BACE2: variants seen among roughly 807,000 people sequenced by gnomAD.
BACE2 encodes the protein 56 kDa aspartic-like protease.
In BACE2, 17 loss-of-function variants were observed where a neutral mutation model predicts 46.2. The observed-to-expected ratio is 0.37, with a 90% confidence interval of 0.25 to 0.55. The LOEUF (loss-of-function observed/expected upper bound fraction) is 0.55. BACE2 is among the 20% of genes least tolerant of loss of function. The probability of loss-of-function intolerance (pLI) is 0.82; values close to 1 mark genes in which losing one functional copy is unlikely to be tolerated. For synonymous variants in BACE2, 277 were observed against 295.9 expected, an observed-to-expected ratio of 0.94 and a Z score of 0.66; for missense variants, 595 against 698.1, an observed-to-expected ratio of 0.85 and a Z score of 1.66.
chr21:41,180,331 T>G (rs929275911), intron 1 of BACE2: 9 of 173,528 alleles, frequency 5.2e-5, no homozygotes, highest in African/African-American at 2.2e-4. Flanking sequence ...CCTACCTCAT[T>G]CCCCCTTCAG....
intron 1 of BACE2, chr21:41,176,356 G>A (rs1166169403): frequency 6.6e-6 from 1 of 152,224 alleles, no homozygotes; most frequent in African/African-American, 2.4e-5. Flanking sequence ...TTCCTGGAAA[G>A]AGCAGGAATA....
At chr21:41,195,485 C>A (rs868148970) in intron 1 of BACE2, among the ~76,000 whole-genome samples, 1 of 152,208 alleles carries the variant, frequency 6.6e-6, no homozygotes, top group Non-Finnish European at 1.5e-5. Context: ...CAGAACTTCC[C>A]GTCCCTTACA....
intron 5 of BACE2, among the ~76,000 whole-genome samples, chr21:41,244,933 G>A (rs369497351): frequency 3.9e-5 from 6 of 152,058 alleles, no homozygotes; most frequent in African/African-American, 1.4e-4. Context: ...GCCTGTATTT[G>A]GAGGTGTGAT....
At chr21:41,200,651 G>A (rs1985934561) in intron 1 of BACE2, among the ~76,000 whole-genome samples, 2 of 152,132 alleles carry the variant, frequency 1.3e-5, no homozygotes, top group Non-Finnish European at 2.9e-5. Context: ...CCTTAAAAGA[G>A]GTCATGAAGT....
chr21:41,217,999 C>A (rs1431698311), intron 1 of BACE2, among the ~76,000 whole-genome samples: 2 of 152,236 alleles, frequency 1.3e-5, no homozygotes, highest in African/African-American at 4.8e-5. Flanking sequence ...ACCTCCAGAA[C>A]TGCCAGAAAA....
At chr21:41,182,072 A>G (rs1985148708) in intron 1 of BACE2, 1 of 167,124 alleles carries the variant, frequency 6.0e-6, no homozygotes, top group Non-Finnish European at 1.5e-5. Flanking sequence ...GGCTGGTTAA[A>G]GCCATAGAAA....
chr21:41,251,766 AC>A (rs139919101), intron 7 of BACE2, among the ~76,000 whole-genome samples: 5,657 of 152,148 alleles, frequency 0.037, 370 homozygotes, highest in African/African-American at 0.13. Flanking sequence ...ACACCACTGC[AC>A]TGCAGCCTGG....
At chr21:41,212,842 A>G (rs1404271493) in intron 1 of BACE2, among the ~76,000 whole-genome samples, 1 of 152,226 alleles carries the variant, frequency 6.6e-6, no homozygotes, top group African/African-American at 2.4e-5. Context: ...TCTCGCTTCT[A>G]GCTTTGCTTA....
At chr21:41,223,018 C>A (rs1000342489) in intron 1 of BACE2, among the ~76,000 whole-genome samples, 1 of 152,124 alleles carries the variant, frequency 6.6e-6, no homozygotes, top group East Asian at 1.9e-4. Flanking sequence ...CAAGATGTTT[C>A]CTGGACCTGC....
intron 1 of BACE2, 21 bp from the exon 2 acceptor site, chr21:41,226,245 T>C (rs764522009): frequency 1.3e-6 from 2 of 1,590,664 alleles, no homozygotes. Context: ...CTATTTTTTT[T>C]TTCTCCTTAA....
intron 1 of BACE2, among the ~76,000 whole-genome samples, chr21:41,207,576 G>A (rs979667701): frequency 2.0e-5 from 3 of 152,164 alleles, no homozygotes; most frequent in Admixed American, 1.3e-4. Context: ...ACAGTGGCAT[G>A]CTCTATAGAG....
intron 1 of BACE2, chr21:41,184,400 T>G (rs917909908): frequency 7.2e-5 from 12 of 167,114 alleles, no homozygotes; most frequent in Non-Finnish European, 1.6e-4. Flanking sequence ...TTGAAGAACA[T>G]AGTCAACGTA....
chr21:41,260,488 GC>G (rs1987907278), intron 8 of BACE2, among the ~76,000 whole-genome samples: 1 of 152,170 alleles, frequency 6.6e-6, no homozygotes, highest in Non-Finnish European at 1.5e-5. Flanking sequence ...GAGGCACTTA[GC>G]CGGGTGTCTC....
intron 1 of BACE2, among the ~76,000 whole-genome samples, chr21:41,200,174 A>G (rs1489247531): frequency 7.9e-5 from 12 of 151,590 alleles, no homozygotes; most frequent in East Asian, 5.8e-4. Flanking sequence ...ATGTACCCTA[A>G]AACTTCAAGT....
intron 1 of BACE2, among the ~76,000 whole-genome samples, chr21:41,202,929 G>A (rs184382507): frequency 1.2e-4 from 18 of 152,232 alleles, no homozygotes; most frequent in African/African-American, 2.4e-4. Context: ...AGATTTTCAT[G>A]TTTCTTCATA....
At chr21:41,176,080 C>G (rs530805797) in intron 1 of BACE2, 1 of 152,172 alleles carries the variant, frequency 6.6e-6, no homozygotes, top group Non-Finnish European at 1.5e-5. Flanking sequence ...ATCTGTAAAT[C>G]AGGGAATTTG....
At chr21:41,216,450 A>T (rs2837969) in intron 1 of BACE2, among the ~76,000 whole-genome samples, 36,502 of 152,254 alleles carry the variant, frequency 0.24, 11,735 homozygotes, top group African/African-American at 0.74. Context: ...ACGGAAGATA[A>T]GGTTGTGCTG....
intron 1 of BACE2, among the ~76,000 whole-genome samples, chr21:41,201,231 A>G (rs904133541): frequency 2.0e-5 from 3 of 152,234 alleles, no homozygotes; most frequent in Non-Finnish European, 2.9e-5. Context: ...CATATAACAG[A>G]CACATACTTA....
At chr21:41,217,862 A>ACACG (rs1404723853) in intron 1 of BACE2, among the ~76,000 whole-genome samples, 1 of 152,204 alleles carries the variant, frequency 6.6e-6, no homozygotes, top group Non-Finnish European at 1.5e-5. Context: ...AGGCCTGGGG[A>ACACG]CACGCCTCCA....
Sources: gnomAD v4.1 joint callset for allele counts (sites outside exome capture counted in the v4.1 genomes callset) on GRCh38, gnomAD v4.1.1 for gene constraint, MANE v1.5 for transcripts, NCBI Gene and HGNC (gene_info 2026-07-23, HGNC 2026-07-21) for gene names.